The following GALNT7 variants were observed in gnomAD, a reference collection of about 807,000 sequenced individuals.
GALNT7 encodes the protein polypeptide N-acetylgalactosaminyltransferase 7.
In GALNT7, 60 loss-of-function variants were observed where a neutral mutation model predicts 82.1. The ratio of observed to expected loss-of-function variants is 0.73; its 90% CI spans 0.59 to 0.91. The LOEUF is 0.91. Ranked by LOEUF, GALNT7 falls within the 40% of genes least tolerant of loss-of-function variation. The pLI is 0.00. For missense variants in GALNT7, 660 were observed against 804.2 expected, an observed-to-expected ratio of 0.82 and a Z score of 2.17; for synonymous variants, 243 against 275.1, an observed-to-expected ratio of 0.88 and a Z score of 1.15.
rs56975184 is a variant in GALNT7 at position 173,237,308 on chromosome 4, A to G, written c.127-10672A>G. Among the ~76,000 whole-genome samples, 1,210 of 152,340 alleles carry G rather than the reference A, an allele frequency of 7.9e-3. 19 individuals carry two copies. The highest frequency in any genetic ancestry group is 0.028 in the African/African-American group (1,146 of 41,570). On this transcript the variant is annotated intron_variant, in intron 1 of 11. Transcript: ENST00000265000. ...TTTTTTATGAGCTGTTATGTAAGCC[A>G]TGCTTCAGGGCAAAGCAGGGATGCA...
chr4:173,303,999 T>C lies in GALNT7; in HGVS notation c.1270T>C (p.Trp424Arg). The C allele has an allele frequency of 3.1e-6, 5 of 1,609,178 alleles. No individual in the cohort carries two copies. Among genetic ancestry groups the C allele is most frequent in the Non-Finnish European group, 4.2e-6 (5 of 1,177,510 alleles). Residue 424 changes from tryptophan to arginine, a missense_variant, in exon 8 of 12, where the codon TGG becomes CGG. Transcript: ENST00000265000. The stretch of plus-strand genomic sequence containing the variant: ...ACAACGTGTTTTTCCTTCATAGATA[T>C]GGCAGTGTGGTGGCAAATTATTATT... The part of the protein sequence containing the change: ...GENFEISYKI[W>R]QCGGKLLFVP...
intron 1 of GALNT7, among the ~76,000 whole-genome samples, chr4:173,204,424 G>A (rs1200555500): frequency 6.6e-6 from 1 of 152,114 alleles, no homozygotes; most frequent in African/African-American, 2.4e-5. Flanking sequence ...TAAGCTTACT[G>A]AGCCTTTGAC....
At chr4:173,321,550 T>C (rs770126522) in intron 11 of GALNT7, 30 bp from the exon 12 acceptor site, 2 of 1,586,592 alleles carry the variant, frequency 1.3e-6, no homozygotes, top group South Asian at 1.1e-5. Context: ...GGGTCCAAAT[T>C]TGAAACTTTT....
At chr4:173,170,389 C>CG (rs1046358459) in intron 1 of GALNT7, among the ~76,000 whole-genome samples, 1 of 152,188 alleles carries the variant, frequency 6.6e-6, no homozygotes, top group African/African-American at 2.4e-5. Context: ...AGGCTTGTGG[C>CG]GTCCTTTCAA....
chr4:173,308,774 G>A (rs1474781143), intron 8 of GALNT7, among the ~76,000 whole-genome samples: 1 of 152,122 alleles, frequency 6.6e-6, no homozygotes, highest in Non-Finnish European at 1.5e-5. Context: ...GTGGTGGTGG[G>A]CACCTGCAAT....
intron 1 of GALNT7, among the ~76,000 whole-genome samples, chr4:173,173,155 C>A (rs1431098388): frequency 2.0e-5 from 3 of 151,842 alleles, no homozygotes; most frequent in Non-Finnish European, 4.4e-5. Flanking sequence ...GTCAGGAGGC[C>A]TAGGATGATA....
intron 1 of GALNT7, among the ~76,000 whole-genome samples, chr4:173,173,573 G>C (rs1425977589): frequency 6.6e-6 from 1 of 152,176 alleles, no homozygotes; most frequent in Admixed American, 6.5e-5. Context: ...GGATGAAACT[G>C]TTCCGCCTCA....
chr4:173,190,892 G>C (rs181036195), intron 1 of GALNT7, among the ~76,000 whole-genome samples: 120 of 152,234 alleles, frequency 7.9e-4, no homozygotes, highest in Admixed American at 1.4e-3. Flanking sequence ...AGGAGGCGTG[G>C]AATTGGCAAA....
intron 1 of GALNT7, among the ~76,000 whole-genome samples, chr4:173,194,417 T>C (rs561861249): frequency 3.3e-5 from 5 of 152,170 alleles, no homozygotes; most frequent in Non-Finnish European, 7.3e-5. Flanking sequence ...TGGAAAGCTG[T>C]TGGAAACTTT....
At chr4:173,196,164 G>A (rs1021693263) in intron 1 of GALNT7, among the ~76,000 whole-genome samples, 1 of 149,570 alleles carries the variant, frequency 6.7e-6, no homozygotes, top group African/African-American at 2.5e-5. Context: ...TCGCTCTGTC[G>A]CCCAGGCTGG....
intron 2 of GALNT7, among the ~76,000 whole-genome samples, chr4:173,272,559 C>T (rs1297338903): frequency 2.6e-5 from 4 of 152,076 alleles, no homozygotes; most frequent in Admixed American, 2.6e-4. Context: ...GTGACTCACT[C>T]GCCTCAGAAA....
intron 2 of GALNT7, chr4:173,268,015 C>T (rs529534362): frequency 6.5e-6 from 1 of 154,598 alleles, no homozygotes; most frequent in African/African-American, 2.4e-5. Context: ...ATCCTGCCGT[C>T]TTACTACAAA....
At chr4:173,210,769 C>A (rs1733254654) in intron 1 of GALNT7, among the ~76,000 whole-genome samples, 2 of 152,080 alleles carry the variant, frequency 1.3e-5, no homozygotes, top group Admixed American at 6.6e-5. Flanking sequence ...TTTGTCCCAT[C>A]CTTCTTTTTG....
intron 8 of GALNT7, among the ~76,000 whole-genome samples, chr4:173,307,914 C>G (rs1368988699): frequency 6.6e-6 from 1 of 152,220 alleles, no homozygotes; most frequent in Non-Finnish European, 1.5e-5. Context: ...ATCTCCCTCT[C>G]TGGGGTTCCC....
intron 2 of GALNT7, among the ~76,000 whole-genome samples, chr4:173,254,114 A>G (rs1022875024): frequency 3.3e-5 from 5 of 152,362 alleles, no homozygotes; most frequent in Admixed American, 2.0e-4. Flanking sequence ...AGTTGCAATT[A>G]CAAAGTGAGA....
At chr4:173,170,061 G>T (rs1446737987) in intron 1 of GALNT7, among the ~76,000 whole-genome samples, 1 of 152,128 alleles carries the variant, frequency 6.6e-6, no homozygotes, top group Non-Finnish European at 1.5e-5. Context: ...GGAAGGGACC[G>T]CGGGCACTGC....
At chr4:173,220,371 T>C (rs6553684) in intron 1 of GALNT7, among the ~76,000 whole-genome samples, 146,617 of 152,250 alleles carry the variant, frequency 0.96, 70,726 homozygotes, top group Non-Finnish European at 1. Flanking sequence ...TATACCAGTA[T>C]CATTGCTGTT....
At chr4:173,192,214 A>C (rs1732650241) in intron 1 of GALNT7, among the ~76,000 whole-genome samples, 1 of 152,146 alleles carries the variant, frequency 6.6e-6, no homozygotes, top group South Asian at 2.1e-4. Context: ...CAGTTACTAT[A>C]TAAAGAAGCG....
intron 8 of GALNT7, among the ~76,000 whole-genome samples, chr4:173,309,836 C>T (rs1737311255): frequency 6.6e-6 from 1 of 152,188 alleles, no homozygotes. Context: ...ACCAAATTAA[C>T]ACCAGGCATG....
Sources: gnomAD v4.1 joint callset for allele counts (sites outside exome capture counted in the v4.1 genomes callset) on GRCh38, gnomAD v4.1.1 for gene constraint, MANE v1.5 for transcripts, NCBI Gene and HGNC (gene_info 2026-07-23, HGNC 2026-07-21) for gene names.